PRDM10: variants seen among roughly 807,000 people sequenced by gnomAD.
PRDM10 encodes the protein PR/SET domain 10.
PRDM10 carries 65 observed loss-of-function variants against 133.1 expected under a neutral mutation model. That is an observed-to-expected ratio of 0.49 (90% CI 0.40 to 0.60). The LOEUF (loss-of-function observed/expected upper bound fraction) is 0.60. PRDM10 is among the 20% of genes least tolerant of loss of function. The pLI is 0.00. For missense variants in PRDM10, 1,137 were observed against 1,507.1 expected, an observed-to-expected ratio of 0.75 and a Z score of 4.07; for synonymous variants, 582 against 580.4, an observed-to-expected ratio of 1.00 and a Z score of -0.04.
At chr11:129,937,766 G>T in intron 7 of PRDM10, 96 bp from the exon 8 acceptor site, 1 of 1,095,578 alleles carries the variant, frequency 9.1e-7, no homozygotes. Context: ...AACAATTCAG[G>T]CTTTTCCACA....
At position 129,988,673 on chromosome 11, in the gene PRDM10, G is replaced by A. The variant is rs370732815; in HGVS notation, c.-119+14049C>T. 4.9e-3 allele frequency among the ~76,000 whole-genome samples: 743 copies of A among 151,484 alleles called. 3 individuals carry two copies. Among genetic ancestry groups the A allele is most frequent in the Non-Finnish European group, 8.1e-3 (547 of 67,932 alleles). ...GAGACGGAATCTCGCTCTGTTGCCT[G>A]GGCTGGAGTGCAGTGGTGCAATCTC... On this transcript the variant is annotated intron_variant, in intron 1 of 20. Coordinates refer to ENST00000360871, the MANE Select transcript of PRDM10 (RefSeq NM_199437.2).
intron 7 of PRDM10, 58 bp from the exon 8 acceptor site, chr11:129,937,728 G>T: frequency 6.9e-7 from 1 of 1,449,054 alleles, no homozygotes. Context: ...TTCTTTGCAT[G>T]CTTAAATTAT....
chr11:129,970,954 T>G (rs992507766), intron 1 of PRDM10, among the ~76,000 whole-genome samples: 5 of 152,170 alleles, frequency 3.3e-5, no homozygotes, highest in Admixed American at 6.5e-5. Flanking sequence ...ACTAAAATTG[T>G]GTCCGAAATT....
chr11:129,979,491 G>A (rs1208228016), intron 1 of PRDM10, among the ~76,000 whole-genome samples: 2 of 152,140 alleles, frequency 1.3e-5, no homozygotes, highest in Admixed American at 6.5e-5. Context: ...GCTCCAGGGT[G>A]TGACCTTCCA....
At position 129,957,761 on chromosome 11, in the gene PRDM10, C is replaced by T. The variant is rs745409775; in HGVS notation, c.219G>A (p.Pro73=). 1.6e-5 allele frequency: 26 copies of T among 1,611,656 alleles called. No individual in the cohort carries two copies. Among genetic ancestry groups the T allele is most frequent in the South Asian group, 5.5e-5 (5 of 90,830 alleles). The change falls in exon 3 of 21, where the codon CCG becomes CCA. Residue 73 remains proline, a synonymous_variant. Transcript: ENST00000360871. ...CTTCACATGCCTGTGCAGCTTCCAC[C>T]GGGTGGATGTACACCAGCGTGTGCT... ...GPEHTLVYIH[P]VEAAQTLFTD... is the part of the protein sequence containing the mutation.
intron 13 of PRDM10, among the ~76,000 whole-genome samples, chr11:129,919,751 C>T (rs10894164): frequency 0.57 from 86,334 of 152,046 alleles, 26,467 homozygotes; most frequent in African/African-American, 0.81. Context: ...CACCTTTCAG[C>T]ACAGGGACTT....
rs1950382467 is a variant in PRDM10, at chr11:129,917,110, G to A, written c.2325+17C>T. The A allele has an allele frequency of 6.4e-7, 1 of 1,568,476 alleles. No individual in the cohort carries two copies. Among genetic ancestry groups the A allele is most frequent in the Admixed American group, 1.7e-5 (1 of 59,300 alleles). ...GGGAACCCCAGTGGCATACCAATAT[G>A]AATATTTCCCTTTTACCTTATCGCA... is the stretch of plus-strand genomic sequence containing the variant. On this transcript the variant is annotated intron_variant, in intron 15 of 20. Transcript: ENST00000360871.
intron 15 of PRDM10, among the ~76,000 whole-genome samples, chr11:129,916,701 T>A (rs550176340): frequency 2.6e-5 from 4 of 152,292 alleles, no homozygotes; most frequent in Admixed American, 1.3e-4. Context: ...TGTAACTACA[T>A]GAAAATAATG....
intron 1 of PRDM10, among the ~76,000 whole-genome samples, chr11:129,962,788 G>T (rs1951821429): frequency 6.6e-6 from 1 of 151,910 alleles, no homozygotes; most frequent in South Asian, 2.1e-4. Flanking sequence ...AGATATTCAG[G>T]GTGAGTTTCC....
rs1951461312 is a variant in PRDM10, at chr11:129,947,556, C to A, written c.295-186G>T. 6.9e-7 allele frequency: 1 copy of A among 1,455,832 alleles called. No homozygotes were observed. Among genetic ancestry groups the A allele is most frequent in the Non-Finnish European group, 9.0e-7 (1 of 1,108,400 alleles). 90.2% of individuals were successfully genotyped at this position (1,455,832 alleles called of 1,614,324 possible). ...AGGAAGAGCTGGCTTCATTTTTGAT[C>A]TGACTGCTCACAGCCTTTAAGCCTC... On this transcript the variant is annotated intron_variant, in intron 4 of 20. Transcript: ENST00000360871. The surrounding 1 kb of genome is among the most constrained non-coding windows in gnomAD (Gnocchi z 4.6).
At position 129,918,210 on chromosome 11, in the gene PRDM10, A is replaced by C. The variant is rs2135757346; in HGVS notation, c.2214+329T>G. Among the ~76,000 whole-genome samples, 1 of 152,170 alleles carries C rather than the reference A, an allele frequency of 6.6e-6. No homozygotes were observed. The highest frequency in any genetic ancestry group is 1.9e-4 in the East Asian group (1 of 5,182). The stretch of plus-strand genomic sequence containing the variant: ...ATTAAAAAAATACATTCAGGGACAC[A>C]AAAGAGGGAACTAAAATAAGGTGAG... On this transcript the variant is annotated intron_variant, in intron 14 of 20. Transcript: ENST00000360871. This position sits in a 1 kb window ranked among gnomAD's most constrained non-coding sequence, Gnocchi z 5.3.
At chr11:129,922,313 A>T (rs977255136) in intron 13 of PRDM10, among the ~76,000 whole-genome samples, 19 of 152,370 alleles carry the variant, frequency 1.2e-4, no homozygotes, top group African/African-American at 4.1e-4. Flanking sequence ...ATGGCCAAAC[A>T]GTATCGCAAA....
At chr11:129,924,786 G>C (rs1195764756) in intron 12 of PRDM10, 96 bp downstream of exon 12, 2 of 1,050,250 alleles carry the variant, frequency 1.9e-6, no homozygotes, top group Non-Finnish European at 2.8e-6. Context: ...AGAAGGGATG[G>C]AAATGCAGGT....
At chr11:129,985,205 G>A (rs1938345073) in intron 1 of PRDM10, among the ~76,000 whole-genome samples, 1 of 151,978 alleles carries the variant, frequency 6.6e-6, no homozygotes, top group South Asian at 2.1e-4. Context: ...GAACTCTCAT[G>A]AACAAAAAAC....
intron 1 of PRDM10, among the ~76,000 whole-genome samples, chr11:129,988,153 G>A (rs207472519): frequency 6.6e-6 from 1 of 152,080 alleles, no homozygotes; most frequent in Non-Finnish European, 1.5e-5. Context: ...TTAATTTGCA[G>A]AATAAGCAAA....
chr11:129,940,532 G>A (rs1043242673), intron 7 of PRDM10, among the ~76,000 whole-genome samples: 1 of 151,666 alleles, frequency 6.6e-6, no homozygotes, highest in Non-Finnish European at 1.5e-5. Flanking sequence ...TTATTTTGAC[G>A]GTTTTAAAAA....
At position 129,944,819 on chromosome 11, in the gene PRDM10, C is replaced by A; in HGVS notation, c.714G>T (p.Gly238=). 3.7e-6 allele frequency: 6 copies of A among 1,613,908 alleles called. No homozygotes were observed. Among genetic ancestry groups the A allele is most frequent in the Non-Finnish European group, 4.2e-6 (5 of 1,179,974 alleles). ...PKRTQFGPVE[G]PLVRGSELKD... ...TCAGCTCCGAGCCCCTGACGAGAGG[C>A]CCCTCCACGGGGCCAAACTGGGTGC... Residue 238 remains glycine (G), a synonymous_variant, in exon 6 of 21, where the codon GGG becomes GGT. Coordinates refer to ENST00000360871, the MANE Select transcript of PRDM10 (RefSeq NM_199437.2).
chr11:129,972,968 GCCCT>G (rs1244072565), intron 1 of PRDM10, among the ~76,000 whole-genome samples: 4 of 152,144 alleles, frequency 2.6e-5, no homozygotes, highest in Non-Finnish European at 5.9e-5. Flanking sequence ...CAAGAGACGA[GCCCT>G]CCCTCCTTGT....
chr11:130,002,523 G>A (rs932197605), intron 1 of PRDM10, among the ~76,000 whole-genome samples, 199 bp downstream of exon 1: 2 of 151,984 alleles, frequency 1.3e-5, no homozygotes, highest in Non-Finnish European at 2.9e-5. Flanking sequence ...CGGTGCCGCC[G>A]GGATTTCTCC....
Sources: allele counts gnomAD v4.1 joint callset (sites outside exome capture counted in the v4.1 genomes callset), GRCh38; gene constraint gnomAD v4.1.1; non-coding constraint Gnocchi (gnomAD v3.1); transcripts MANE v1.5; gene names NCBI Gene and HGNC (gene_info 2026-07-23, HGNC 2026-07-21).